SYNPO2: variants seen among roughly 807,000 people sequenced by gnomAD.
SYNPO2 encodes the protein synaptopodin-2.
In SYNPO2, 56 loss-of-function variants were observed where a neutral mutation model predicts 85.0. The ratio of observed to expected loss-of-function variants is 0.66; its 90% CI spans 0.53 to 0.82. The LOEUF is 0.82. Ranked by LOEUF, SYNPO2 falls within the 40% of genes least tolerant of loss-of-function variation. SYNPO2 has a pLI of 0.00. For synonymous variants in SYNPO2, 602 were observed against 591.1 expected, an observed-to-expected ratio of 1.02 and a Z score of -0.27; for missense variants, 1,575 against 1,534.2, an observed-to-expected ratio of 1.03 and a Z score of -0.44.
chr4:118,887,644 G>A (rs1183251753), upstream of SYNPO2, among the ~76,000 whole-genome samples: 1 of 152,164 alleles, frequency 6.6e-6, no homozygotes, highest in Non-Finnish European at 1.5e-5. Context: ...AATATTAGAA[G>A]TGTTTTAATC....
chr4:119,036,273 A>G (rs1307163951), intron 4 of SYNPO2: 1 of 985,316 alleles, frequency 1.0e-6, no homozygotes, highest in African/African-American at 1.7e-5. Context: ...TCTCTTTAAA[A>G]TCAGGGTTGT....
At chr4:118,977,073 G>T (rs574114133) in intron 1 of SYNPO2, among the ~76,000 whole-genome samples, 48 of 152,334 alleles carry the variant, frequency 3.2e-4, no homozygotes, top group African/African-American at 1.1e-3. Flanking sequence ...TTGGGTGGTC[G>T]ATGGGACTGG....
intron 4 of SYNPO2, among the ~76,000 whole-genome samples, chr4:119,049,008 A>G (rs1738955791): frequency 6.6e-6 from 1 of 152,206 alleles, no homozygotes. Flanking sequence ...TAGGGAAATC[A>G]ATTAGGAGAC....
intron 4 of SYNPO2, chr4:119,035,523 G>T: frequency 1.0e-6 from 1 of 985,354 alleles, no homozygotes; most frequent in African/African-American, 1.7e-5. Flanking sequence ...ACACATTTGG[G>T]TTGTCACTCT....
At chr4:118,998,156 G>C (rs1034827037) in intron 1 of SYNPO2, among the ~76,000 whole-genome samples, 10 of 152,156 alleles carry the variant, frequency 6.6e-5, no homozygotes, top group African/African-American at 2.4e-4. Context: ...AAATTACAAG[G>C]CCTTGAATTA....
intron 1 of SYNPO2, among the ~76,000 whole-genome samples, chr4:118,866,173 T>C (rs1212821914): frequency 6.6e-6 from 1 of 152,218 alleles, no homozygotes; most frequent in African/African-American, 2.4e-5. Context: ...GCAGTATTAT[T>C]GACATTTTGG....
intron 1 of SYNPO2, among the ~76,000 whole-genome samples, chr4:118,896,862 C>T (rs1429318763): frequency 6.6e-6 from 1 of 152,072 alleles, no homozygotes; most frequent in Non-Finnish European, 1.5e-5. Context: ...TAACAAATAA[C>T]TATTTCCTAA....
At chr4:119,028,948 T>G (rs962842891) in intron 3 of SYNPO2, among the ~76,000 whole-genome samples, 1 of 151,682 alleles carries the variant, frequency 6.6e-6, no homozygotes, top group South Asian at 2.1e-4. Flanking sequence ...TGAAAGAAAA[T>G]TTTAAATATT....
chr4:119,052,127 T>C (rs1050325231), intron 4 of SYNPO2, among the ~76,000 whole-genome samples: 3 of 151,850 alleles, frequency 2.0e-5, no homozygotes, highest in Non-Finnish European at 2.9e-5. Flanking sequence ...CTCAGGAAAT[T>C]TGGAGGGAAA....
intron 1 of SYNPO2, among the ~76,000 whole-genome samples, chr4:118,961,901 G>A (rs564617623): frequency 6.6e-6 from 1 of 152,268 alleles, no homozygotes; most frequent in East Asian, 1.9e-4. Context: ...TCAGTATATG[G>A]CTCTTTAGTG....
intron 1 of SYNPO2, among the ~76,000 whole-genome samples, chr4:118,951,619 C>A (rs189620708): frequency 6.6e-6 from 1 of 152,002 alleles, no homozygotes; most frequent in African/African-American, 2.4e-5. Context: ...TTTTACTGCT[C>A]AACAAAATGA....
intron 1 of SYNPO2, among the ~76,000 whole-genome samples, chr4:118,997,223 G>C (rs1197385941): frequency 2.0e-5 from 2 of 100,600 alleles, no homozygotes; most frequent in African/African-American, 7.4e-5. Context: ...CTGGGCGACA[G>C]AGCGAGACTC....
intron 4 of SYNPO2, chr4:119,036,998 G>A (rs1578668560): frequency 1.5e-6 from 2 of 1,340,728 alleles, no homozygotes; most frequent in African/African-American, 3.0e-5. Context: ...TATTAATATA[G>A]GTAATAATTT....
chr4:118,895,712 A>G (rs147479843), intron 1 of SYNPO2, among the ~76,000 whole-genome samples: 22 of 152,310 alleles, frequency 1.4e-4, no homozygotes, highest in Middle Eastern at 3.4e-3. Flanking sequence ...ATCCACAGGA[A>G]ATGCAAGGAT....
At chr4:118,970,145 C>G (rs930865923) in intron 1 of SYNPO2, among the ~76,000 whole-genome samples, 12 of 152,168 alleles carry the variant, frequency 7.9e-5, no homozygotes, top group African/African-American at 2.9e-4. Context: ...AAAGCTTTAT[C>G]TGAAAGCTGT....
At chr4:119,007,039 T>C (rs1737056146) in intron 1 of SYNPO2, among the ~76,000 whole-genome samples, 1 of 150,852 alleles carries the variant, frequency 6.6e-6, no homozygotes, top group Non-Finnish European at 1.5e-5. Context: ...TTAGGCAATG[T>C]ACTTGGCTCT....
At chr4:118,869,934 CA>C (rs1356261689) in intron 1 of SYNPO2, among the ~76,000 whole-genome samples, 1 of 152,104 alleles carries the variant, frequency 6.6e-6, no homozygotes, top group East Asian at 1.9e-4. Context: ...CATTCTGAGT[CA>C]AAAAGTGACA....
intron 1 of SYNPO2, among the ~76,000 whole-genome samples, chr4:118,943,835 C>A (rs1455097948): frequency 1.3e-5 from 2 of 152,138 alleles, no homozygotes; most frequent in Non-Finnish European, 2.9e-5. Context: ...AAATCAACAT[C>A]ACTGTGCTAA....
chr4:118,867,467 CT>C (rs145121607), intron 1 of SYNPO2, among the ~76,000 whole-genome samples: 2,702 of 138,406 alleles, frequency 0.02, 81 homozygotes, highest in African/African-American at 0.062. Context: ...TAGTTTCTTT[CT>C]TTTTTTTTTT....
Sources: allele counts gnomAD v4.1 joint callset (sites outside exome capture counted in the v4.1 genomes callset), GRCh38; gene constraint gnomAD v4.1.1; transcripts MANE v1.5; gene names NCBI Gene and HGNC (gene_info 2026-07-23, HGNC 2026-07-21).